Variants in GALNT13 observed in about 807,000 individuals in gnomAD.
GALNT13 encodes UDP-GalNAc:polypeptide N-acetylgalactosaminyltransferase 13.
In GALNT13, 28 loss-of-function variants were observed where a neutral mutation model predicts 64.2. The observed-to-expected ratio is 0.44, with a 90% CI of 0.32 to 0.60. The LOEUF (loss-of-function observed/expected upper bound fraction) is 0.60, where lower values mean the gene tolerates loss of function less well. Among genes scored for constraint, GALNT13 ranks in the 20% least tolerant of loss-of-function variants. The pLI, the probability that GALNT13 is intolerant of heterozygous loss-of-function variation, is 0.05. For missense variants in GALNT13, 577 were observed against 669.8 expected (o/e 0.86, Z 1.53); for synonymous variants, 214 against 224.6 (o/e 0.95, Z 0.42).
chr2:154,446,424 G>A (rs1701578610), intron 12 of GALNT13: 1 of 750,276 alleles, frequency 1.3e-6, no homozygotes, highest in South Asian at 3.7e-5. Context: ...AAAAAAATGT[G>A]GCTCACAGCT....
chr2:154,437,540 A>G, intron 11 of GALNT13: 1 of 1,284,200 alleles, frequency 7.8e-7, no homozygotes, highest in Non-Finnish European at 1.0e-6. Flanking sequence ...AGAAGAAAAC[A>G]CATTCTATAA....
chr2:153,468,830 G>A, the GALNT13 span, among the ~76,000 whole-genome samples: 2 of 152,042 alleles, frequency 1.3e-5, no homozygotes, highest in South Asian at 4.1e-4. Flanking sequence ...ACGGTGTACT[G>A]GGTCGTAGTA....
the GALNT13 span, among the ~76,000 whole-genome samples, chr2:153,500,981 A>G: frequency 1.3e-5 from 2 of 152,180 alleles, no homozygotes; most frequent in African/African-American, 2.4e-5. Context: ...TGACAATCCC[A>G]TGTAACTAAG....
the GALNT13 span, among the ~76,000 whole-genome samples, chr2:153,362,455 C>A: frequency 6.7e-6 from 1 of 149,772 alleles, no homozygotes. Context: ...GAGTCAAGAC[C>A]CATCCGTGTA....
intron 8 of GALNT13, among the ~76,000 whole-genome samples, chr2:154,263,567 T>C (rs1407259881): frequency 6.6e-6 from 1 of 152,198 alleles, no homozygotes; most frequent in African/African-American, 2.4e-5. Flanking sequence ...AGTATAATTA[T>C]ACTAAGTGTT....
chr2:154,240,974 C>T (rs1689452083), intron 4 of GALNT13, among the ~76,000 whole-genome samples: 1 of 152,134 alleles, frequency 6.6e-6, no homozygotes, highest in Admixed American at 6.5e-5. Flanking sequence ...AGCCAAATTC[C>T]GCCTCCTCCC....
At chr2:153,228,869 C>CAAAAAAAAAA in the GALNT13 span, among the ~76,000 whole-genome samples, 2 of 68,628 alleles carry the variant, frequency 2.9e-5, no homozygotes, top group African/African-American at 6.0e-5. Flanking sequence ...GAGACTGTCT[C>CAAAAAAAAAA]AAAAAAAAAA....
At chr2:153,380,580 T>TG in the GALNT13 span, among the ~76,000 whole-genome samples, 2 of 149,620 alleles carry the variant, frequency 1.3e-5, no homozygotes, top group Non-Finnish European at 3.0e-5. Context: ...GGTAAGGGGG[T>TG]GGGGGGTCCT....
the GALNT13 span, among the ~76,000 whole-genome samples, chr2:153,294,062 A>G: frequency 6.6e-6 from 1 of 152,186 alleles, no homozygotes; most frequent in Non-Finnish European, 1.5e-5. Flanking sequence ...GCTTAAAGCA[A>G]TTTACCTGCC....
intron 3 of GALNT13, among the ~76,000 whole-genome samples, chr2:154,129,501 T>G (rs1477397246): frequency 6.6e-6 from 1 of 152,174 alleles, no homozygotes; most frequent in Non-Finnish European, 1.5e-5. Context: ...TCTTGAGACA[T>G]GTAAAAATGT....
intron 9 of GALNT13, among the ~76,000 whole-genome samples, chr2:154,340,912 GT>G (rs1695726863): frequency 1.3e-5 from 2 of 152,064 alleles, no homozygotes; most frequent in East Asian, 3.9e-4. Context: ...GTGTGTGTGT[GT>G]GTGTGTGTGC....
the GALNT13 span, among the ~76,000 whole-genome samples, chr2:153,633,850 C>T: frequency 6.6e-6 from 1 of 152,140 alleles, no homozygotes; most frequent in Admixed American, 6.5e-5. Flanking sequence ...ACTTTTTTCT[C>T]TAGCATTATG....
chr2:153,744,719 T>C, the GALNT13 span, among the ~76,000 whole-genome samples: 1 of 152,100 alleles, frequency 6.6e-6, no homozygotes, highest in Non-Finnish European at 1.5e-5. Context: ...TGCCTTCTTC[T>C]CACTAGAGTT....
chr2:153,597,444 A>G, the GALNT13 span, among the ~76,000 whole-genome samples: 1 of 152,102 alleles, frequency 6.6e-6, no homozygotes, highest in East Asian at 1.9e-4. Flanking sequence ...CAAAAAAAAT[A>G]AAGTTAGACA....
intron 3 of GALNT13, among the ~76,000 whole-genome samples, chr2:154,002,937 T>C (rs1696007942): frequency 6.6e-6 from 1 of 152,204 alleles, no homozygotes; most frequent in Admixed American, 6.5e-5. Context: ...GGATGACTTA[T>C]TGCAGTCTGA....
chr2:153,346,865 C>T, the GALNT13 span, among the ~76,000 whole-genome samples: 1 of 152,080 alleles, frequency 6.6e-6, no homozygotes, highest in Non-Finnish European at 1.5e-5. Context: ...CATTATAATT[C>T]CCATTTTCCA....
At chr2:153,478,013 C>G in the GALNT13 span, 1 of 559,820 alleles carries the variant, frequency 1.8e-6, no homozygotes, top group African/African-American at 1.9e-5. Flanking sequence ...CTTCTTGCCA[C>G]TTTCTGCTGA....
At chr2:153,510,246 G>A in the GALNT13 span, among the ~76,000 whole-genome samples, 14 of 152,278 alleles carry the variant, frequency 9.2e-5, no homozygotes, top group South Asian at 2.9e-3. Flanking sequence ...TAACAAAAGG[G>A]ACAAGGGTAA....
chr2:153,885,198 A>G (rs1381689337), intron 1 of GALNT13, among the ~76,000 whole-genome samples: 2 of 152,064 alleles, frequency 1.3e-5, no homozygotes, highest in African/African-American at 4.8e-5. Context: ...TTTTCTAGGT[A>G]TAAAGCCTAA....
Sources: gnomAD v4.1 joint callset for allele counts (sites outside exome capture counted in the v4.1 genomes callset) on GRCh38, gnomAD v4.1.1 for gene constraint, MANE v1.5 for transcripts, NCBI Gene and HGNC (gene_info 2026-07-23, HGNC 2026-07-21) for gene names.